Variants in SAMD5 observed in about 807,000 individuals in gnomAD.
SAMD5 encodes the protein sterile alpha motif domain-containing protein 5.
A neutral mutation model predicts 11.3 loss-of-function variants in SAMD5; 13 were observed. The ratio of observed to expected loss-of-function variants is 1.15; its 90% confidence interval spans 0.75 to 1.83. SAMD5 has a LOEUF of 1.83. SAMD5 is among the 40% of genes most tolerant of loss of function. The pLI is 0.00. For missense variants in SAMD5, 255 were observed against 239.1 expected, an observed-to-expected ratio of 1.07 and a Z score of -0.44; for synonymous variants, 129 against 111.3, an observed-to-expected ratio of 1.16 and a Z score of -1.00.
the SAMD5 span, among the ~76,000 whole-genome samples, chr6:147,917,019 A>C: frequency 1.4e-5 from 2 of 145,148 alleles, no homozygotes; most frequent in African/African-American, 5.3e-5. Context: ...ATAAACATAC[A>C]TGTGCATGTG....
downstream of SAMD5, among the ~76,000 whole-genome samples, chr6:147,574,632 G>A (rs888413393): frequency 2.0e-5 from 3 of 152,156 alleles, no homozygotes; most frequent in Non-Finnish European, 4.4e-5. Flanking sequence ...CACACTTCTG[G>A]AGGCTGGGAA....
the SAMD5 span, among the ~76,000 whole-genome samples, chr6:147,931,996 A>G: frequency 3.6e-3 from 553 of 152,296 alleles, 12 homozygotes; most frequent in Admixed American, 0.033. Flanking sequence ...TTCCACATCT[A>G]TCTTTCATTT....
At chr6:147,795,069 T>TTA in the SAMD5 span, among the ~76,000 whole-genome samples, 3 of 151,622 alleles carry the variant, frequency 2.0e-5, no homozygotes, top group African/African-American at 4.9e-5. Context: ...CCTATTTTTT[T>TTA]TTATTATTAT....
the SAMD5 span, among the ~76,000 whole-genome samples, chr6:147,881,808 T>C: frequency 6.6e-6 from 1 of 152,158 alleles, no homozygotes; most frequent in East Asian, 1.9e-4. Context: ...ATGTGTGACT[T>C]TAGCAATGCC....
At chr6:147,604,090 T>G (rs1432221015) in intron 1 of SAMD5, among the ~76,000 whole-genome samples, 4 of 152,216 alleles carry the variant, frequency 2.6e-5, no homozygotes, top group African/African-American at 9.6e-5. Context: ...AATATTATGA[T>G]AAAATAATGT....
At chr6:147,662,342 C>A (rs1790660404) in intron 1 of SAMD5, among the ~76,000 whole-genome samples, 1 of 152,194 alleles carries the variant, frequency 6.6e-6, no homozygotes, top group African/African-American at 2.4e-5. Flanking sequence ...AACTCTGCGA[C>A]TCTGTAGTGC....
intron 1 of SAMD5, among the ~76,000 whole-genome samples, chr6:147,705,738 A>C (rs1317475024): frequency 6.6e-6 from 1 of 152,218 alleles, no homozygotes; most frequent in Non-Finnish European, 1.5e-5. Flanking sequence ...AGGTTTTGAC[A>C]TAGAGTAACC....
intron 1 of SAMD5, among the ~76,000 whole-genome samples, chr6:147,533,653 C>T (rs189240835): frequency 2.2e-3 from 337 of 151,984 alleles, no homozygotes; most frequent in African/African-American, 7.8e-3. Context: ...TGTGTCTCCC[C>T]TCTCCCCCTT....
intron 1 of SAMD5, among the ~76,000 whole-genome samples, chr6:147,632,399 G>A (rs182754007): frequency 1.6e-4 from 24 of 152,288 alleles, no homozygotes; most frequent in African/African-American, 4.6e-4. Context: ...CAAGAGTGAG[G>A]GCTCGAGTTA....
chr6:147,595,457 A>G (rs1158302226), intron 1 of SAMD5, among the ~76,000 whole-genome samples: 1 of 151,156 alleles, frequency 6.6e-6, no homozygotes, highest in East Asian at 1.9e-4. Context: ...TTATTAAGCC[A>G]CTAGAATAAA....
chr6:147,777,210 G>A, the SAMD5 span, among the ~76,000 whole-genome samples: 95 of 151,946 alleles, frequency 6.3e-4, 1 homozygote, highest in East Asian at 0.017. Flanking sequence ...GCAGCAATTA[G>A]TTATAACTCG....
At chr6:147,561,988 C>G (rs966047634) in intron 1 of SAMD5, among the ~76,000 whole-genome samples, 1 of 152,164 alleles carries the variant, frequency 6.6e-6, no homozygotes, top group African/African-American at 2.4e-5. Flanking sequence ...CTGCCCCCCA[C>G]CTACTCCCTC....
rs181011789 is a variant in SAMD5, at chr6:147,585,428, G to A, written c.162+76041G>A. Among the ~76,000 whole-genome samples the A allele has an allele frequency of 5.5e-4, 83 of 152,250 alleles. 1 individual carries two copies. Among genetic ancestry groups the A allele is most frequent in the African/African-American group, 1.9e-3 (80 of 41,570 alleles). ...ACTGATCTCACCAAACAGAGTAAGA[G>A]TTTGCTCTTAAGAGCTGTGACGGGC... On this transcript the variant is annotated intron_variant, in intron 1 of 1. Coordinates refer to the SAMD5 transcript ENST00000566741.
intron 1 of SAMD5, among the ~76,000 whole-genome samples, chr6:147,603,825 CTT>C (rs1789659077): frequency 6.6e-6 from 1 of 152,164 alleles, no homozygotes; most frequent in Non-Finnish European, 1.5e-5. Context: ...AACAAGCTAT[CTT>C]CCTTACTGGG....
the SAMD5 span, among the ~76,000 whole-genome samples, chr6:147,897,943 TAAAAAA>T: frequency 1.1e-4 from 10 of 89,636 alleles, no homozygotes; most frequent in South Asian, 3.9e-4. Context: ...AGATTTTTCT[TAAAAAA>T]AAAAAAAAAA....
the SAMD5 span, among the ~76,000 whole-genome samples, chr6:147,868,345 G>A: frequency 6.6e-6 from 1 of 152,134 alleles, no homozygotes; most frequent in African/African-American, 2.4e-5. Flanking sequence ...TAGGACAGAT[G>A]CACTAAATAA....
the SAMD5 span, among the ~76,000 whole-genome samples, chr6:147,939,346 C>G: frequency 1.4e-4 from 21 of 152,238 alleles, no homozygotes; most frequent in East Asian, 2.5e-3. Flanking sequence ...TAGCCCCCTC[C>G]CCTCCCTGGA....
intron 1 of SAMD5, among the ~76,000 whole-genome samples, chr6:147,628,882 C>T (rs1250227586): frequency 1.3e-5 from 2 of 152,110 alleles, no homozygotes; most frequent in East Asian, 1.9e-4. Flanking sequence ...TGCTCATTAT[C>T]ACATTCATGA....
At chr6:147,665,708 C>A (rs1790707574) in intron 1 of SAMD5, among the ~76,000 whole-genome samples, 1 of 152,176 alleles carries the variant, frequency 6.6e-6, no homozygotes, top group African/African-American at 2.4e-5. Flanking sequence ...CAAGATAATC[C>A]TTAATGTGAT....
Sources: gnomAD v4.1 joint callset for allele counts (sites outside exome capture counted in the v4.1 genomes callset) on GRCh38, gnomAD v4.1.1 for gene constraint, MANE v1.5 for transcripts, NCBI Gene and HGNC (gene_info 2026-07-23, HGNC 2026-07-21) for gene names.